Variants in POLK observed in about 807,000 individuals in gnomAD.
POLK encodes DNA polymerase kappa.
In POLK, 76 loss-of-function variants were observed where a neutral mutation model predicts 94.0. The observed-to-expected ratio is 0.81, with a 90% CI of 0.67 to 0.98. The LOEUF (loss-of-function observed/expected upper bound fraction) is 0.98, where lower values mean the gene tolerates loss of function less well. POLK is among the 50% of genes least tolerant of loss of function. The pLI is 0.00. For missense variants in POLK, 954 were observed against 1,010.1 expected (o/e 0.94, Z 0.75); for synonymous variants, 349 against 325.4 (o/e 1.07, Z -0.78).
chr5:75,510,973 C>T (rs1233842349), upstream of POLK: 11 of 1,209,676 alleles, frequency 9.1e-6, no homozygotes, highest in Non-Finnish European at 1.2e-5. Flanking sequence ...CCCGCCTCAT[C>T]CCTAGTCGCT....
At chr5:75,589,382 CACACAT>C (rs755593924) in intron 10 of POLK, among the ~76,000 whole-genome samples, 192 of 108,156 alleles carry the variant, frequency 1.8e-3, no homozygotes, top group African/African-American at 7.0e-3. Flanking sequence ...TATATATATA[CACACAT>C]ACACACACAC....
chr5:75,549,294 A>G (rs961381750), intron 2 of POLK, among the ~76,000 whole-genome samples: 7 of 152,078 alleles, frequency 4.6e-5, no homozygotes, highest in Non-Finnish European at 8.8e-5. Flanking sequence ...GACCCAGTAC[A>G]ATTTATTAAA....
chr5:75,571,236 GT>G (rs1771576222), intron 4 of POLK, among the ~76,000 whole-genome samples: 1 of 152,038 alleles, frequency 6.6e-6, no homozygotes, highest in African/African-American at 2.4e-5. Context: ...ATAACTTTTT[GT>G]CCTATTAAAC....
At chr5:75,581,214 C>A (rs113372789) in exon 7 of POLK, 5 of 1,592,806 alleles carry the variant, frequency 3.1e-6, no homozygotes, top group Non-Finnish European at 3.4e-6. Flanking sequence ...CTTAGATAAT[C>A]CAGGAAAGGA....
rs1048990142 is a variant in POLK at position 75,511,919 on chromosome 5, G to GTA, written c.-14+7_-14+8dup. 8.5e-5 allele frequency: 103 copies of GTA among 1,209,144 alleles called. No homozygotes were observed. In the Admixed American group the frequency reaches 1.1e-3, roughly 13 times the overall value. The allele number at this position is 1,209,144 out of a possible 1,614,324, so 74.9% of individuals were successfully genotyped here. On this transcript the variant is annotated splice_donor_region_variant and intron_variant, in intron 1 of 14. Transcript: ENST00000241436. ...GTCGCGATCCTGAGGTAACGGGTGAGTATCCCGCGCGGGGATCGCTTGTCC... is the reference window on the plus strand; with the variant it reads ...GTCGCGATCCTGAGGTAACGGGTGAGTATATCCCGCGCGGGGATCGCTTGTCC...
intron 1 of POLK, among the ~76,000 whole-genome samples, chr5:75,522,997 T>C (rs559773515): frequency 6.6e-5 from 10 of 152,326 alleles, no homozygotes; most frequent in Admixed American, 5.9e-4. Flanking sequence ...CTAATGTAAC[T>C]ACGTTCTTCA....
chr5:75,556,849 C>T (rs1770648363), intron 3 of POLK, among the ~76,000 whole-genome samples: 1 of 152,030 alleles, frequency 6.6e-6, no homozygotes, highest in African/African-American at 2.4e-5. Flanking sequence ...ATCGCTTGAG[C>T]CCAGGGGTTC....
At chr5:75,554,938 C>T (rs1426939020) in intron 3 of POLK, among the ~76,000 whole-genome samples, 9 of 152,234 alleles carry the variant, frequency 5.9e-5, no homozygotes, top group Admixed American at 3.9e-4. Context: ...CATGTCTTTG[C>T]TGTTGTGAAT....
At chr5:75,573,816 C>A in exon 5 of POLK, 1 of 1,613,360 alleles carries the variant, frequency 6.2e-7, no homozygotes, top group Non-Finnish European at 8.5e-7. Context: ...GCTGTGCCCA[C>A]AACTTATAAT....
chr5:75,561,367 T>C (rs1467312929), intron 3 of POLK, among the ~76,000 whole-genome samples: 1 of 152,202 alleles, frequency 6.6e-6, no homozygotes, highest in Non-Finnish European at 1.5e-5. Flanking sequence ...GGTTTTTTCT[T>C]GTAGATTTGT....
At chr5:75,511,390 C>A (rs1175873980), upstream of POLK, 7 of 1,546,190 alleles carry the variant, frequency 4.5e-6, no homozygotes, top group East Asian at 2.4e-5. Flanking sequence ...TGACACCGAG[C>A]GGAGCGAGGA....
At chr5:75,554,548 A>T (rs1770500379) in intron 3 of POLK, among the ~76,000 whole-genome samples, 1 of 151,812 alleles carries the variant, frequency 6.6e-6, no homozygotes, top group African/African-American at 2.4e-5. Flanking sequence ...TAGGTTTGTT[A>T]TATAAATAAA....
At chr5:75,511,438 C>T (rs1767993839), upstream of POLK, 3 of 1,537,056 alleles carry the variant, frequency 2.0e-6, no homozygotes, top group Non-Finnish European at 2.6e-6. Context: ...CCCTTCCAGC[C>T]GTCAGCCGCC....
chr5:75,588,724 A>G (rs1772600285), intron 10 of POLK, among the ~76,000 whole-genome samples: 2 of 152,216 alleles, frequency 1.3e-5, no homozygotes, highest in Admixed American at 1.3e-4. Context: ...TTTCTTCTAG[A>G]AGCTCTGGGA....
exon 6 of POLK, chr5:75,576,911 A>C: frequency 6.4e-7 from 1 of 1,571,134 alleles, no homozygotes; most frequent in Non-Finnish European, 8.6e-7. Flanking sequence ...ATTTCATCAA[A>C]ATGGGAAGCT....
intron 3 of POLK, among the ~76,000 whole-genome samples, chr5:75,557,294 T>C (rs1475735713): frequency 1.3e-5 from 2 of 152,222 alleles, no homozygotes; most frequent in African/African-American, 4.8e-5. Flanking sequence ...TCTTCTACAA[T>C]ATTTTGTTGG....
intron 1 of POLK, among the ~76,000 whole-genome samples, chr5:75,514,089 A>G (rs1489569442): frequency 1.3e-5 from 2 of 152,110 alleles, no homozygotes; most frequent in African/African-American, 4.8e-5. Context: ...ACATGTTGCT[A>G]TGGTGATAGT....
intron 12 of POLK, among the ~76,000 whole-genome samples, chr5:75,595,482 C>G (rs971555986): frequency 6.6e-6 from 1 of 151,976 alleles, no homozygotes; most frequent in African/African-American, 2.4e-5. Context: ...AGAAGCCAGT[C>G]TGAAAAAGCT....
rs55831232 is a variant in POLK at position 75,511,865 on chromosome 5, G to C, written c.-63G>C. On this transcript the variant is annotated 5_prime_UTR_variant, in exon 1 of 15. Transcript: ENST00000241436. Reference sequence around the variant, plus strand: ...TGCATTCTGGGAAGGGCGTTGGTCCGTCGCTCGCGCAGCCTCCTGGGAGTT... The same window carrying C: ...TGCATTCTGGGAAGGGCGTTGGTCCCTCGCTCGCGCAGCCTCCTGGGAGTT... The C allele has an allele frequency of 9.0e-4, 1,376 of 1,525,946 alleles. 9 individuals carry two copies. The East Asian group carries it at 0.021, about 23-fold the overall frequency. 94.5% of individuals were successfully genotyped at this position (1,525,946 alleles called of 1,614,324 possible). A position where few individuals can be genotyped will look rare whatever the true frequency, so the allele number is the denominator to read the frequency against.
Sources: allele counts gnomAD v4.1 joint callset (sites outside exome capture counted in the v4.1 genomes callset), GRCh38; gene constraint gnomAD v4.1.1; transcripts MANE v1.5; gene names NCBI Gene and HGNC (gene_info 2026-07-23, HGNC 2026-07-21).